CCDC68: variants seen among roughly 807,000 people sequenced by gnomAD.
CCDC68 encodes the protein coiled-coil domain-containing protein 68.
Under a neutral mutation model 47.1 loss-of-function variants are expected in CCDC68, and 45 were observed. That is an observed-to-expected ratio of 0.96 (90% confidence interval 0.75 to 1.23). The LOEUF is 1.23. Ranked by LOEUF, CCDC68 falls within the 50% of genes most tolerant of loss-of-function variation. The pLI is 0.00. For missense variants in CCDC68, 353 were observed against 373.6 expected (o/e 0.94, Z 0.45); for synonymous variants, 131 against 129.5 (o/e 1.01, Z -0.08).
At chr18:54,940,959 A>C (rs757032086) in intron 4 of CCDC68, 38 bp downstream of exon 4, 2 of 1,446,358 alleles carry the variant, frequency 1.4e-6, no homozygotes, top group East Asian at 4.5e-5. Flanking sequence ...TAAAAAGTCT[A>C]AATGGCTTTA....
At chr18:54,907,145 A>G (rs551020338) in intron 11 of CCDC68, among the ~76,000 whole-genome samples, 1 of 152,326 alleles carries the variant, frequency 6.6e-6, no homozygotes, top group Admixed American at 6.5e-5. Flanking sequence ...TGATAATTTC[A>G]TGGGGTTTGT....
intron 8 of CCDC68, among the ~76,000 whole-genome samples, chr18:54,921,308 T>C (rs1038036343): frequency 6.6e-6 from 1 of 152,182 alleles, no homozygotes; most frequent in African/African-American, 2.4e-5. Context: ...TATACCCACG[T>C]AACAAACCTG....
intron 1 of CCDC68, among the ~76,000 whole-genome samples, chr18:54,950,905 T>C (rs2044606040): frequency 1.8e-5 from 1 of 56,886 alleles, no homozygotes; most frequent in African/African-American, 5.3e-5. Flanking sequence ...GTCTTTTTTT[T>C]TTTTTTTTTT....
chr18:54,943,359 T>C (rs999334861), intron 2 of CCDC68, among the ~76,000 whole-genome samples: 49 of 152,102 alleles, frequency 3.2e-4, no homozygotes, highest in African/African-American at 1.2e-3. Context: ...TGAAAAAGCA[T>C]AGAGCGGAAA....
At chr18:54,949,697 G>A (rs999412763) in intron 1 of CCDC68, among the ~76,000 whole-genome samples, 22 of 152,176 alleles carry the variant, frequency 1.4e-4, no homozygotes, top group African/African-American at 4.6e-4. Context: ...CCATCTGTAT[G>A]AGTCTTGCAG....
At chr18:54,936,259 A>T (rs897759356) in intron 6 of CCDC68, among the ~76,000 whole-genome samples, 9 of 145,384 alleles carry the variant, frequency 6.2e-5, no homozygotes, top group East Asian at 3.9e-4. Flanking sequence ...ATATATATTT[A>T]AAAATATATA....
At chr18:54,952,260 C>T (rs945212606) in intron 1 of CCDC68, among the ~76,000 whole-genome samples, 3 of 114,964 alleles carry the variant, frequency 2.6e-5, no homozygotes, top group Non-Finnish European at 4.3e-5. Context: ...TGACATATGT[C>T]ACAGTCACTT....
chr18:54,936,933 G>A lies in CCDC68; in HGVS notation c.371C>T (p.Ala124Val), dbSNP rs759606240. ...CTGGGCCACGTTTCTCAGAGCTGCTGCTCCTGCTTCTCTGGAGGCTTGCAG... is the reference window on the plus strand; with the variant it reads ...CTGGGCCACGTTTCTCAGAGCTGCTACTCCTGCTTCTCTGGAGGCTTGCAG... ...IKLQASREAG[A>V]AALRNVAQRL... The change falls in exon 6 of 12, where the codon GCA (alanine) becomes GTA (valine). Residue 124 changes from alanine (A) to valine (V), a missense_variant. By Grantham distance (64) the Ala-to-Val change is moderately conservative. Coordinates refer to ENST00000591504, the MANE Select transcript of CCDC68 (RefSeq NM_025214.3). 10 of 1,613,984 alleles carry A rather than the reference G, an allele frequency of 6.2e-6. 1 individual carries two copies. The highest frequency in any genetic ancestry group is 3.3e-4 in the Middle Eastern group (2 of 6,084).
chr18:54,930,664 TTCCTTCCTTCCC>T (rs2044235808), intron 7 of CCDC68, among the ~76,000 whole-genome samples: 3 of 19,496 alleles, frequency 1.5e-4, no homozygotes, highest in Non-Finnish European at 2.0e-4. Context: ...CCTTCCTTCC[TTCCTTCCTTCCC>T]TCCCTCCCTC....
At chr18:54,916,063 T>C (rs1231392514) in intron 10 of CCDC68, among the ~76,000 whole-genome samples, 3 of 152,208 alleles carry the variant, frequency 2.0e-5, no homozygotes, top group Non-Finnish European at 4.4e-5. Flanking sequence ...GAACATTTCA[T>C]ACAAGGGGAC....
chr18:54,905,833 C>T (rs1370828785), intron 11 of CCDC68, among the ~76,000 whole-genome samples: 1 of 152,136 alleles, frequency 6.6e-6, no homozygotes. Context: ...ACAGCCACTC[C>T]CCATCGCTCA....
At chr18:54,917,019 T>C (rs1172519335) in intron 10 of CCDC68, among the ~76,000 whole-genome samples, 2 of 152,192 alleles carry the variant, frequency 1.3e-5, no homozygotes, top group Admixed American at 6.5e-5. Context: ...TCCCCAGCCA[T>C]GTGGAACTGT....
At chr18:54,908,213 A>G (rs7242527) in intron 10 of CCDC68, among the ~76,000 whole-genome samples, 149,658 of 152,318 alleles carry the variant, frequency 0.98, 73,597 homozygotes, top group South Asian at 1. Flanking sequence ...CCACAATATC[A>G]ATCACATGTT....
chr18:54,915,324 T>G (rs542541494), intron 10 of CCDC68, among the ~76,000 whole-genome samples: 17 of 152,326 alleles, frequency 1.1e-4, no homozygotes, highest in African/African-American at 4.1e-4. Flanking sequence ...TTTCTAGAAT[T>G]TAGTGCCTAT....
intron 6 of CCDC68, among the ~76,000 whole-genome samples, chr18:54,935,355 C>T (rs913573181): frequency 1.0e-3 from 152 of 152,060 alleles, no homozygotes; most frequent in African/African-American, 3.6e-3. Context: ...AATAACTCCT[C>T]AGTGTGTCAT....
intron 10 of CCDC68, among the ~76,000 whole-genome samples, chr18:54,910,529 T>C (rs1914294940): frequency 6.6e-6 from 1 of 152,198 alleles, no homozygotes; most frequent in African/African-American, 2.4e-5. Flanking sequence ...TGCATAAGAC[T>C]GGCAGCCCGG....
intron 1 of CCDC68, among the ~76,000 whole-genome samples, chr18:54,950,909 T>TTC (rs2044606144): frequency 8.3e-6 from 1 of 120,466 alleles, no homozygotes; most frequent in Non-Finnish European, 1.7e-5. Flanking sequence ...TTTTTTTTTT[T>TTC]TTTTTTTTTT....
At chr18:54,941,192 T>G (rs1291313163) in intron 3 of CCDC68, 109 bp from the exon 4 acceptor site, 2 of 672,446 alleles carry the variant, frequency 3.0e-6, no homozygotes, top group East Asian at 5.5e-5. Flanking sequence ...AATACATATA[T>G]ACATATATTG....
At chr18:54,919,665 G>A (rs928089533) in intron 8 of CCDC68, among the ~76,000 whole-genome samples, 4 of 152,154 alleles carry the variant, frequency 2.6e-5, no homozygotes, top group South Asian at 2.1e-4. Flanking sequence ...TATTCAGTAC[G>A]ATAAAGCACT....
Sources: gnomAD v4.1 joint callset for allele counts (sites outside exome capture counted in the v4.1 genomes callset) on GRCh38, gnomAD v4.1.1 for gene constraint, MANE v1.5 for transcripts, NCBI Gene and HGNC (gene_info 2026-07-23, HGNC 2026-07-21) for gene names.